The following UBE2E1 variants were observed in gnomAD, a reference collection of about 807,000 sequenced individuals.
The protein encoded by UBE2E1 is ubiquitin-conjugating enzyme E2 E1.
A neutral mutation model predicts 21.4 loss-of-function variants in UBE2E1; 6 were observed. The ratio of observed to expected loss-of-function variants is 0.28; its 90% CI spans 0.15 to 0.55. The LOEUF is 0.55. Ranked by LOEUF, UBE2E1 falls within the 20% of genes least tolerant of loss-of-function variation. The pLI, the probability that UBE2E1 is intolerant of heterozygous loss-of-function variation, is 0.93. For missense variants in UBE2E1, 142 were observed against 236.5 expected (o/e 0.60, Z 2.62); for synonymous variants, 87 against 82.7 (o/e 1.05, Z -0.28).
intron 3 of UBE2E1, among the ~76,000 whole-genome samples, chr3:23,869,792 G>C (rs1242091564): frequency 1.3e-5 from 2 of 150,174 alleles, no homozygotes; most frequent in Non-Finnish European, 3.0e-5. Context: ...AAAATTGCCT[G>C]TGTGGAAACT....
chr3:23,813,443 G>A (rs1218327407), intron 3 of UBE2E1, among the ~76,000 whole-genome samples: 1 of 152,130 alleles, frequency 6.6e-6, no homozygotes, highest in African/African-American at 2.4e-5. Flanking sequence ...TCTCTTAAAA[G>A]AGTTCGGTTT....
rs1199834324 is a variant in UBE2E1 at position 23,842,364 on chromosome 3, G to A, written c.203+30854G>A. ...TGGGCTCAGGCAGTCCTCCCACCTC[G>A]CCTCCTGAGTAGCTGGGATGACAGG... On this transcript the variant is annotated intron_variant, in intron 3 of 5. Coordinates refer to ENST00000306627, the MANE Select transcript of UBE2E1 (RefSeq NM_003341.5). The surrounding 1 kb of genome is among the most constrained non-coding windows in gnomAD (Gnocchi z 4.6). Among the ~76,000 whole-genome samples, 2 of 151,940 alleles carry A rather than the reference G, an allele frequency of 1.3e-5. No individual in the cohort carries two copies. Among genetic ancestry groups the A allele is most frequent in the South Asian group, 2.1e-4 (1 of 4,800 alleles).
chr3:23,890,699 G>T lies in UBE2E1; in HGVS notation c.*93G>T. On this transcript the variant is annotated 3_prime_UTR_variant, in exon 6 of 6. Coordinates refer to ENST00000306627, the MANE Select transcript of UBE2E1 (RefSeq NM_003341.5). ...GTCAGGGAGGGTGGGAGTTGGTAAAGAGTAGGGTATTTCTATAACAGATAT... is the reference window on the plus strand; with the variant it reads ...GTCAGGGAGGGTGGGAGTTGGTAAATAGTAGGGTATTTCTATAACAGATAT... 6 of 1,111,928 alleles carry T rather than the reference G, an allele frequency of 5.4e-6. No individual in the cohort carries two copies. The highest frequency in any genetic ancestry group is 1.6e-5 in the African/African-American group (1 of 63,236). 68.9% of individuals were successfully genotyped at this position (1,111,928 alleles called of 1,614,324 possible).
intron 3 of UBE2E1, among the ~76,000 whole-genome samples, chr3:23,848,016 C>G (rs998394655): frequency 1.3e-5 from 2 of 152,098 alleles, no homozygotes; most frequent in Non-Finnish European, 2.9e-5. Flanking sequence ...CAAATGGTAA[C>G]TTGCTGTAAA....
Position 23,843,797 on chromosome 3 carries a change from ATT to A in UBE2E1, c.203+32290_203+32291del, listed in dbSNP as rs1221364663. 7.9e-5 allele frequency among the ~76,000 whole-genome samples: 12 copies of A among 152,308 alleles called. No individual in the cohort carries two copies. In the East Asian group the frequency reaches 2.3e-3, roughly 29 times the overall value. ...TTCTTGACTGCCTTCTGGAGTCAGT[ATT>A]TTCAGCCAAACAGTGAAAATTAACA... On this transcript the variant is annotated intron_variant, in intron 3 of 5. Coordinates refer to ENST00000306627, the MANE Select transcript of UBE2E1 (RefSeq NM_003341.5).
In UBE2E1 at chr3:23,821,763, C is replaced by T. The variant is rs117995057; in HGVS notation, c.203+10253C>T. On this transcript the variant is annotated intron_variant, in intron 3 of 5. Transcript: ENST00000306627. ...CTAGGCCTAGAATAGGGCCGTAGGG[C>T]GCGTGTGTGGTGGGTGGCAGGGGAG... Among the ~76,000 whole-genome samples the T allele has an allele frequency of 2.9e-3, 436 of 152,040 alleles. 11 individuals carry two copies. The East Asian group carries it at 0.044, about 15-fold the overall frequency.
intron 2 of UBE2E1, 29 bp from the exon 3 acceptor site, chr3:23,811,431 G>A (rs941732775): frequency 6.2e-7 from 1 of 1,613,848 alleles, no homozygotes; most frequent in Non-Finnish European, 8.5e-7. Context: ...TGCTTCTTGT[G>A]TTTGTCTTTC....
chr3:23,826,882 A>G (rs1381105960), intron 3 of UBE2E1, among the ~76,000 whole-genome samples: 2 of 152,204 alleles, frequency 1.3e-5, no homozygotes, highest in Non-Finnish European at 2.9e-5. Flanking sequence ...TGCTATAAAA[A>G]TGACTTATAA....
chr3:23,871,165 C>T (rs1282120893), intron 3 of UBE2E1, among the ~76,000 whole-genome samples: 1 of 152,154 alleles, frequency 6.6e-6, no homozygotes, highest in African/African-American at 2.4e-5. Flanking sequence ...CCATTGTCAT[C>T]ATGGCCCGTT....
intron 3 of UBE2E1, among the ~76,000 whole-genome samples, chr3:23,838,416 A>G (rs73150213): frequency 0.029 from 4,455 of 152,224 alleles, 237 homozygotes; most frequent in African/African-American, 0.1. Context: ...TGTTTTTCCA[A>G]TCTGACAATC....
At chr3:23,862,156 T>C (rs4858550) in intron 3 of UBE2E1, among the ~76,000 whole-genome samples, 118,854 of 152,186 alleles carry the variant, frequency 0.78, 47,605 homozygotes, top group African/African-American at 0.93. Context: ...ATCACACACC[T>C]GCAAGTGGGA....
rs978477852 is a variant in UBE2E1 at position 23,876,457 on chromosome 3, G to C, written c.204-11110G>C. Among the ~76,000 whole-genome samples the C allele has an allele frequency of 6.6e-6, 1 of 152,178 alleles. No individual in the cohort carries two copies. Among genetic ancestry groups the C allele is most frequent in the African/African-American group, 2.4e-5 (1 of 41,434 alleles). ...TCATGGAGAAGGCAGCTTTCACCCA[G>C]TATCTCTGGTAGATTGCTACCTTCA... On this transcript the variant is annotated intron_variant, in intron 3 of 5. Transcript: ENST00000306627. This position sits in a 1 kb window ranked among gnomAD's most constrained non-coding sequence, Gnocchi z 4.3.
rs986266825 is a variant in UBE2E1, at chr3:23,823,394, A to G, written c.203+11884A>G. Reference sequence around the variant, plus strand: ...AGTAATTAGTTGGAATCACAAAAGCATTAGGTGCTGAACTGCCAGAGACAA... The same window carrying G: ...AGTAATTAGTTGGAATCACAAAAGCGTTAGGTGCTGAACTGCCAGAGACAA... On this transcript the variant is annotated intron_variant, in intron 3 of 5. Coordinates refer to ENST00000306627, the MANE Select transcript of UBE2E1 (RefSeq NM_003341.5). The surrounding 1 kb of genome is among the most constrained non-coding windows in gnomAD (Gnocchi z 4.2). Among the ~76,000 whole-genome samples the G allele has an allele frequency of 6.6e-6, 1 of 152,252 alleles. No individual in the cohort carries two copies. The highest frequency in any genetic ancestry group is 2.4e-5 in the African/African-American group (1 of 41,462).
intron 3 of UBE2E1, among the ~76,000 whole-genome samples, chr3:23,852,240 A>G (rs751116776): frequency 4.6e-5 from 7 of 152,204 alleles, no homozygotes; most frequent in African/African-American, 7.2e-5. Flanking sequence ...GGACTAACAC[A>G]TGATTCATGA....
intron 3 of UBE2E1, among the ~76,000 whole-genome samples, chr3:23,873,138 C>T (rs1364072137): frequency 6.6e-6 from 1 of 152,142 alleles, no homozygotes; most frequent in Non-Finnish European, 1.5e-5. Flanking sequence ...AGGCTGTGGC[C>T]CTCTCACACC....
At chr3:23,885,547 T>A (rs1045863006) in intron 3 of UBE2E1, among the ~76,000 whole-genome samples, 12 of 152,158 alleles carry the variant, frequency 7.9e-5, no homozygotes, top group African/African-American at 2.4e-4. Context: ...AAAGTATGAC[T>A]TCATGGTGTA....
At chr3:23,873,263 G>A (rs1341201218) in intron 3 of UBE2E1, among the ~76,000 whole-genome samples, 3 of 152,158 alleles carry the variant, frequency 2.0e-5, no homozygotes, top group Non-Finnish European at 4.4e-5. Flanking sequence ...TCCCTTGAAA[G>A]GGTCTTGGGA....
rs1187520212 is a variant in UBE2E1, at chr3:23,853,620, A to G, written c.204-33947A>G. ...TTTCTGTTCACAATTCAGTCTTTAAATGCATATAGGAGAGTTGGAGGGGAG... is the reference window on the plus strand; with the variant it reads ...TTTCTGTTCACAATTCAGTCTTTAAGTGCATATAGGAGAGTTGGAGGGGAG... On this transcript the variant is annotated intron_variant, in intron 3 of 5. Transcript: ENST00000306627. The surrounding 1 kb of genome is among the most constrained non-coding windows in gnomAD (Gnocchi z 4.1). 6.6e-6 allele frequency among the ~76,000 whole-genome samples: 1 copy of G among 152,076 alleles called. No individual in the cohort carries two copies. Among genetic ancestry groups the G allele is most frequent in the African/African-American group, 2.4e-5 (1 of 41,416 alleles).
intron 3 of UBE2E1, among the ~76,000 whole-genome samples, chr3:23,884,605 A>G (rs756176323): frequency 1.1e-3 from 165 of 152,148 alleles, no homozygotes; most frequent in Non-Finnish European, 3.8e-4. Context: ...TTTTTTTTGT[A>G]TACTAAAGGA....
Sources: allele counts gnomAD v4.1 joint callset (sites outside exome capture counted in the v4.1 genomes callset), GRCh38; gene constraint gnomAD v4.1.1; non-coding constraint Gnocchi (gnomAD v3.1); transcripts MANE v1.5; gene names NCBI Gene and HGNC (gene_info 2026-07-23, HGNC 2026-07-21).